Variants in CAPN10 observed in about 807,000 individuals in gnomAD.
CAPN10 encodes the protein calpain-10.
A neutral mutation model predicts 78.4 loss-of-function variants in CAPN10; 71 were observed. That is an observed-to-expected ratio of 0.91 (90% CI 0.75 to 1.10). The LOEUF is 1.10. CAPN10 is among the 50% of genes least tolerant of loss of function. CAPN10 has a pLI of 0.00. For synonymous variants in CAPN10, 437 were observed against 407.2 expected, an observed-to-expected ratio of 1.07 and a Z score of -0.88; for missense variants, 849 against 924.6, an observed-to-expected ratio of 0.92 and a Z score of 1.06.
rs759171547 is a variant in CAPN10 at position 240,587,003 on chromosome 2, C to G, written c.92C>G (p.Ser31Cys). The change falls in exon 1 of 12, where the codon TCT (serine) becomes TGT (cysteine). Residue 31 changes from serine (S) to cysteine (C), a missense_variant. Coordinates refer to ENST00000391984, the MANE Select transcript of CAPN10 (RefSeq NM_023083.4). ...AADSSLFCDL[S>C]TPLAQFREDI... ...GACTCCTCGCTCTTCTGCGACTTGT[C>G]TACGCCGCTGGCCCAGTTCCGCGAG... 4.0e-6 allele frequency: 6 copies of G among 1,485,238 alleles called. No individual in the cohort carries two copies. The highest frequency in any genetic ancestry group is 5.4e-6 in the Non-Finnish European group (6 of 1,116,744). The allele number at this position is 1,485,238 out of a possible 1,614,324, so 92.0% of individuals were successfully genotyped here.
chr2:240,589,571 TGCCGCA>T, intron 2 of CAPN10, 97 bp downstream of exon 2: 1 of 1,443,652 alleles, frequency 6.9e-7, no homozygotes. Context: ...AGCAGAGCTG[TGCCGCA>T]GCCGGATCTC....
intron 5 of CAPN10, 138 bp from the exon 6 acceptor site, chr2:240,594,405 G>A: frequency 2.4e-6 from 2 of 840,302 alleles, no homozygotes; most frequent in Non-Finnish European, 3.8e-6. Context: ...TGTGGGAGGG[G>A]CTGCAGAGCT....
chr2:240,594,919 GGCCGTA>G, intron 6 of CAPN10, 99 bp from the exon 7 acceptor site: 1 of 1,286,890 alleles, frequency 7.8e-7, no homozygotes, highest in South Asian at 1.4e-5. Context: ...CTCTGTCTGT[GGCCGTA>G]GCTGCTGCTT....
At chr2:240,598,423 G>T (rs562469668) in intron 11 of CAPN10, 26 bp downstream of exon 11, 2 of 1,613,042 alleles carry the variant, frequency 1.2e-6, no homozygotes, top group South Asian at 2.2e-5. Context: ...CGCCAGCCCG[G>T]CTCACCTGCC....
chr2:240,598,636 C>A lies in CAPN10; in HGVS notation c.1990-15C>A. 6.4e-7 allele frequency: 1 copy of A among 1,574,178 alleles called. No individual in the cohort carries two copies. The highest frequency in any genetic ancestry group is 2.3e-5 in the East Asian group (1 of 43,474). ...GAGTGCCACCGCTGCCCGGGCCCCC[C>A]ATCTGTCTTTGCAGGTCTCCATCAT... On this transcript the variant is annotated splice_polypyrimidine_tract_variant and intron_variant, in intron 11 of 11. Coordinates refer to ENST00000391984, the MANE Select transcript of CAPN10 (RefSeq NM_023083.4).
At chr2:240,596,075 G>A in intron 7 of CAPN10, 6 of 1,532,594 alleles carry the variant, frequency 3.9e-6, no homozygotes, top group Non-Finnish European at 5.3e-6. Context: ...TGCCTTTGTG[G>A]GCCCAGCTAC....
At chr2:240,598,154 TC>T in intron 10 of CAPN10, 67 bp downstream of exon 10, 1 of 1,455,406 alleles carries the variant, frequency 6.9e-7, no homozygotes, top group Non-Finnish European at 9.5e-7. Flanking sequence ...TGCTCGCCTG[TC>T]CCCCCACGTC....
chr2:240,587,363 T>G (rs1463540996), intron 1 of CAPN10, among the ~76,000 whole-genome samples: 2 of 152,192 alleles, frequency 1.3e-5, no homozygotes, highest in Non-Finnish European at 2.9e-5. Context: ...CCCCACCTGT[T>G]TGCTTTCGCC....
At chr2:240,598,152 T>C (rs17846981) in intron 10 of CAPN10, 65 bp downstream of exon 10, 233,447 of 1,486,450 alleles carry the variant, frequency 0.16, 19,591 homozygotes, top group South Asian at 0.18. Context: ...AGTGCTCGCC[T>C]GTCCCCCCAC....
In CAPN10 at chr2:240,599,082, A is replaced by G. The variant is rs1364831414; in HGVS notation, c.*402A>G. ...CTTTTAGGATGTAACTTTATAAATA[A>G]ACATGAGCGCTGATGATTTGCAGAT... On this transcript the variant is annotated 3_prime_UTR_variant, in exon 12 of 12. Coordinates refer to ENST00000391984, the MANE Select transcript of CAPN10 (RefSeq NM_023083.4). 2 of 234,900 alleles carry G rather than the reference A, an allele frequency of 8.5e-6. No homozygotes were observed. The highest frequency in any genetic ancestry group is 1.7e-4 in the East Asian group (2 of 11,560). The allele number at this position is 234,900 out of a possible 1,614,324, so 14.6% of individuals were successfully genotyped here.
At chr2:240,595,524 C>T in intron 7 of CAPN10, 2 of 612,710 alleles carry the variant, frequency 3.3e-6, no homozygotes, top group South Asian at 2.0e-5. Flanking sequence ...TGCCGTGTGC[C>T]TCATTGGCCA....
At chr2:240,598,184 C>T in intron 10 of CAPN10, 97 bp downstream of exon 10, 1 of 1,350,558 alleles carries the variant, frequency 7.4e-7, no homozygotes, top group South Asian at 1.3e-5. Context: ...GCCCCTCACC[C>T]TCAAGCCCCT....
Position 240,586,881 on chromosome 2 carries a change from C to G in CAPN10, c.-31C>G, listed in dbSNP as rs2093071169. 1 of 1,357,526 alleles carries G rather than the reference C, an allele frequency of 7.4e-7. No individual in the cohort carries two copies. Among genetic ancestry groups the G allele is most frequent in the African/African-American group, 1.5e-5 (1 of 65,482 alleles). 84.1% of individuals were successfully genotyped at this position (1,357,526 alleles called of 1,614,324 possible). On this transcript the variant is annotated 5_prime_UTR_variant, in exon 1 of 12. Transcript: ENST00000391984. ...TCCGGGGCTGCGACCCCGAGGCAACCGGCTGCAGATGGGAGCCCGCGGAGC... is the reference window on the plus strand; with the variant it reads ...TCCGGGGCTGCGACCCCGAGGCAACGGGCTGCAGATGGGAGCCCGCGGAGC...
At chr2:240,593,079 G>A (rs1024532231) in intron 4 of CAPN10, among the ~76,000 whole-genome samples, 3 of 152,214 alleles carry the variant, frequency 2.0e-5, no homozygotes, top group Non-Finnish European at 4.4e-5. Context: ...CGCCAGCCCC[G>A]CTGGGGTGCC....
chr2:240,587,583 C>G (rs1168963507), intron 1 of CAPN10, among the ~76,000 whole-genome samples: 1 of 152,236 alleles, frequency 6.6e-6, no homozygotes, highest in African/African-American at 2.4e-5. Flanking sequence ...GGTTTATCTG[C>G]TGAATAAGAC....
rs916125764 is a variant in CAPN10, at chr2:240,592,752, G to C, written c.688+602G>C. On this transcript the variant is annotated intron_variant, in intron 4 of 11. Coordinates refer to ENST00000391984, the MANE Select transcript of CAPN10 (RefSeq NM_023083.4). ...CGGTTTACGTGTTCCCTTCCGCACC[G>C]CTTCTCACACTGCCACACACGCGCT... 1.7e-4 allele frequency: 48 copies of C among 289,188 alleles called. 2 individuals are homozygous for C. Among genetic ancestry groups the C allele is most frequent in the South Asian group, 1.5e-3 (48 of 32,398 alleles). 17.9% of individuals were successfully genotyped at this position (289,188 alleles called of 1,614,324 possible).
At chr2:240,594,797 C>G in intron 6 of CAPN10, 88 bp downstream of exon 6, 1 of 1,106,870 alleles carries the variant, frequency 9.0e-7, no homozygotes, top group Middle Eastern at 3.2e-4. Context: ...CCTGCCCAGG[C>G]CCAGTTTGGT....
Position 240,595,018 on chromosome 2 carries a change from C to A in CAPN10, c.998-6C>A, listed in dbSNP as rs756940178. The A allele has an allele frequency of 1.9e-6, 3 of 1,612,588 alleles. No homozygotes were observed. Among genetic ancestry groups the A allele is most frequent in the Non-Finnish European group, 2.5e-6 (3 of 1,179,840 alleles). The stretch of plus-strand genomic sequence containing the variant: ...CCACAGCTGATGCCTGGTGTTTTCT[C>A]ACTAGAGAGGCTGCTCTGCCATACG... On this transcript the variant is annotated splice_region_variant and splice_polypyrimidine_tract_variant and intron_variant, in intron 6 of 11. Transcript: ENST00000391984.
Position 240,587,019 on chromosome 2 carries a change from G to T in CAPN10, c.108G>T (p.Gln36His). Residue 36 changes from glutamine (Q) to histidine (H), a missense_variant, in exon 1 of 12, where the codon CAG becomes CAT. By Grantham distance (24) the Gln-to-His change is conservative. Coordinates refer to ENST00000391984, the MANE Select transcript of CAPN10 (RefSeq NM_023083.4). ...LFCDLSTPLA[Q>H]FREDITWRRP... ...GCGACTTGTCTACGCCGCTGGCCCA[G>T]TTCCGCGAGGACATCACGTGGAGGC... 1 of 1,463,432 alleles carries T rather than the reference G, an allele frequency of 6.8e-7. No individual in the cohort carries two copies. The highest frequency in any genetic ancestry group is 9.1e-7 in the Non-Finnish European group (1 of 1,103,924). 90.7% of individuals were successfully genotyped at this position (1,463,432 alleles called of 1,614,324 possible).
Sources: allele counts gnomAD v4.1 joint callset (sites outside exome capture counted in the v4.1 genomes callset), GRCh38; gene constraint gnomAD v4.1.1; transcripts MANE v1.5; gene names NCBI Gene and HGNC (gene_info 2026-07-23, HGNC 2026-07-21).